NF1: variants seen among roughly 807,000 people sequenced by gnomAD.
NF1 encodes neurofibromin 1.
In NF1, 122 loss-of-function variants were observed where a neutral mutation model predicts 325.7. That is an observed-to-expected ratio of 0.37 (90% CI 0.32 to 0.44). The LOEUF is 0.44. NF1 is among the 20% of genes least tolerant of loss of function. The pLI is 1.00. For synonymous variants in NF1, 1,091 were observed against 1,186.0 expected (o/e 0.92, Z 1.65); for missense variants, 2,140 against 3,415.4 (o/e 0.63, Z 9.31).
intron 36 of NF1, among the ~76,000 whole-genome samples, chr17:31,283,252 C>G (rs2068157023): frequency 6.6e-6 from 1 of 151,954 alleles, no homozygotes; most frequent in African/African-American, 2.4e-5. Flanking sequence ...CCCGTCTCTA[C>G]TAAAAATACA....
chr17:31,165,296 G>A (rs1597638465), intron 4 of NF1, among the ~76,000 whole-genome samples: 1 of 152,276 alleles, frequency 6.6e-6, no homozygotes, highest in African/African-American at 2.4e-5. Context: ...AATTTTATTA[G>A]CTTTCAGAGG....
At chr17:31,098,933 GAAAAAA>G (rs556393516) in intron 1 of NF1, among the ~76,000 whole-genome samples, 1 of 100,386 alleles carries the variant, frequency 1.0e-5, no homozygotes, top group Non-Finnish European at 1.8e-5. Flanking sequence ...CTCCATCTCA[GAAAAAA>G]AAAAAAAAAA....
intron 29 of NF1, among the ~76,000 whole-genome samples, chr17:31,244,055 CTTCCTTTTAAGACAGCAGAT>C (rs2067350059): frequency 6.6e-6 from 1 of 152,106 alleles, no homozygotes; most frequent in Non-Finnish European, 1.5e-5. Context: ...AGACTGGGTC[CTTCCTTTTAAGACAGCAGAT>C]TTCCTTCTGG....
chr17:31,327,323 T>C (rs1325141388), intron 37 of NF1, among the ~76,000 whole-genome samples, 176 bp from the exon 38 acceptor site: 1 of 152,230 alleles, frequency 6.6e-6, no homozygotes. Flanking sequence ...TGTTTTTTGT[T>C]TCTTTTGAGA....
chr17:31,170,058 A>T (rs2065905895), intron 5 of NF1, 61 bp downstream of exon 5: 1 of 1,023,266 alleles, frequency 9.8e-7, no homozygotes, highest in Non-Finnish European at 1.5e-6. Context: ...AGTATCATGA[A>T]TGTACTAATT....
intron 36 of NF1, among the ~76,000 whole-genome samples, chr17:31,266,879 T>TTG (rs1435244413): frequency 6.6e-6 from 1 of 152,100 alleles, no homozygotes; most frequent in East Asian, 1.9e-4. Context: ...CTATTGAGTC[T>TTG]TGTGGCCTGA....
At chr17:31,292,913 C>T (rs953287778) in intron 36 of NF1, among the ~76,000 whole-genome samples, 1 of 152,040 alleles carries the variant, frequency 6.6e-6, no homozygotes, top group Non-Finnish European at 1.5e-5. Context: ...CGTGGTGGCT[C>T]ATGCCTGTAA....
intron 36 of NF1, among the ~76,000 whole-genome samples, chr17:31,319,550 A>T (rs2069123437): frequency 6.6e-6 from 1 of 152,142 alleles, no homozygotes; most frequent in South Asian, 2.1e-4. Context: ...CTGAACTTCA[A>T]ATAGAAATTC....
chr17:31,095,150 C>G lies in NF1; in HGVS notation c.-160C>G. ...TTCCCTCTCCCCCTCCCGCTCGGCGCTGACCCCCCATCCCCACCCCCGTGG... is the reference window on the plus strand; with the variant it reads ...TTCCCTCTCCCCCTCCCGCTCGGCGGTGACCCCCCATCCCCACCCCCGTGG... On this transcript the variant is annotated 5_prime_UTR_variant, in exon 1 of 58. Transcript: ENST00000358273. 1.9e-6 allele frequency: 1 copy of G among 518,104 alleles called. No individual in the cohort carries two copies. The allele number at this position is 518,104 out of a possible 1,614,324, so 32.1% of individuals were successfully genotyped here. A position where few individuals can be genotyped will look rare whatever the true frequency, so the allele number is the denominator to read the frequency against.
At chr17:31,195,480 C>T (rs2066419336) in intron 8 of NF1, among the ~76,000 whole-genome samples, 1 of 152,102 alleles carries the variant, frequency 6.6e-6, no homozygotes, top group South Asian at 2.1e-4. Context: ...AATCAATCTC[C>T]AAAACCTGTT....
chr17:31,259,184 T>C, intron 33 of NF1, 55 bp downstream of exon 33: 3 of 1,264,162 alleles, frequency 2.4e-6, no homozygotes. Flanking sequence ...ATTTTCGGTT[T>C]CACATAAATC....
chr17:31,301,979 C>A (rs2068582464), intron 36 of NF1, among the ~76,000 whole-genome samples: 1 of 152,152 alleles, frequency 6.6e-6, no homozygotes, highest in Admixed American at 6.5e-5. Flanking sequence ...TTTGTTCCAG[C>A]ATTTTCTTCT....
chr17:31,226,745 T>G, intron 18 of NF1, 61 bp downstream of exon 18: 1 of 1,605,778 alleles, frequency 6.2e-7, no homozygotes, highest in Non-Finnish European at 8.5e-7. Flanking sequence ...CATCTGATTT[T>G]GAGAATGTAT....
At chr17:31,357,115 C>T (rs2151582660) in intron 53 of NF1, 25 bp downstream of exon 53, 3 of 1,612,288 alleles carry the variant, frequency 1.9e-6, no homozygotes, top group Non-Finnish European at 2.5e-6. Context: ...TTTTTGAGTC[C>T]CCCACCCTCA....
At chr17:31,267,057 G>C (rs534875426) in intron 36 of NF1, among the ~76,000 whole-genome samples, 1 of 151,702 alleles carries the variant, frequency 6.6e-6, no homozygotes, top group Non-Finnish European at 1.5e-5. Flanking sequence ...TTAGCCTCCC[G>C]AGTAGCTGGG....
chr17:31,156,767 C>G (rs2065670782), intron 2 of NF1, among the ~76,000 whole-genome samples: 1 of 152,132 alleles, frequency 6.6e-6, no homozygotes, highest in Admixed American at 6.5e-5. Flanking sequence ...TCCTAGACTT[C>G]AGAGTACTCC....
At chr17:31,356,272 A>G (rs921935901) in intron 51 of NF1, 188 bp from the exon 52 acceptor site, 17 of 547,644 alleles carry the variant, frequency 3.1e-5, no homozygotes, top group Admixed American at 6.3e-5. Flanking sequence ...ACAGAAAGCT[A>G]TGGGAACAAA....
At position 31,122,168 on chromosome 17, in the gene NF1, A is replaced by AT. The variant is rs1914490290; in HGVS notation, c.60+26801dup. On this transcript the variant is annotated intron_variant, in intron 1 of 57. Coordinates refer to ENST00000358273, the MANE Select transcript of NF1 (RefSeq NM_001042492.3). ...TAAAGGCAAGAATAATAATTAAGAAATTGTTATAATAGGGATGATCTGAGC... is the reference window on the plus strand; with the variant it reads ...TAAAGGCAAGAATAATAATTAAGAAATTTGTTATAATAGGGATGATCTGAGC... Among the ~76,000 whole-genome samples, 3 of 152,172 alleles carry AT rather than the reference A, an allele frequency of 2.0e-5. No individual in the cohort carries two copies. In the South Asian group the frequency reaches 6.2e-4, roughly 31 times the overall value.
chr17:31,112,401 C>G (rs1432354502), intron 1 of NF1, among the ~76,000 whole-genome samples: 1 of 152,134 alleles, frequency 6.6e-6, no homozygotes, highest in African/African-American at 2.4e-5. Flanking sequence ...TATCATCTTA[C>G]AGCAGTATAT....
Sources: allele counts gnomAD v4.1 joint callset (sites outside exome capture counted in the v4.1 genomes callset), GRCh38; gene constraint gnomAD v4.1.1; transcripts MANE v1.5; gene names NCBI Gene and HGNC (gene_info 2026-07-23, HGNC 2026-07-21).